Variants in TTLL11 observed in about 807,000 individuals in gnomAD.
TTLL11 encodes tubulin tyrosine ligase like 11.
Under a neutral mutation model 51.7 loss-of-function variants are expected in TTLL11, and 42 were observed. That is an observed-to-expected ratio of 0.81 (90% confidence interval 0.64 to 1.05). The LOEUF (loss-of-function observed/expected upper bound fraction) is 1.05, where lower values mean the gene tolerates loss of function less well. TTLL11 is among the 50% of genes least tolerant of loss of function. The probability of loss-of-function intolerance (pLI) is 0.00; values close to 1 mark genes in which losing one functional copy is unlikely to be tolerated. For missense variants in TTLL11, 799 were observed against 940.4 expected, an observed-to-expected ratio of 0.85 and a Z score of 1.97; for synonymous variants, 381 against 383.5, an observed-to-expected ratio of 0.99 and a Z score of 0.08.
At chr9:122,031,347 C>T (rs769163216) in intron 3 of TTLL11, among the ~76,000 whole-genome samples, 2 of 152,198 alleles carry the variant, frequency 1.3e-5, no homozygotes, top group Non-Finnish European at 2.9e-5. Context: ...TCCCACATCT[C>T]AGGCCACAGG....
intron 6 of TTLL11, among the ~76,000 whole-genome samples, chr9:121,909,852 A>G (rs1315771660): frequency 6.6e-6 from 1 of 152,090 alleles, no homozygotes; most frequent in Non-Finnish European, 1.5e-5. Context: ...GGTAGAGCTG[A>G]GTGGGTGGCA....
intron 1 of TTLL11, among the ~76,000 whole-genome samples, chr9:122,072,460 ATGG>A (rs1201489094): frequency 6.6e-6 from 1 of 152,076 alleles, no homozygotes; most frequent in African/African-American, 2.4e-5. Flanking sequence ...CCTGGTCAAC[ATGG>A]TGAAACCTCG....
intron 6 of TTLL11, among the ~76,000 whole-genome samples, chr9:121,898,141 C>T (rs1034016137): frequency 6.6e-6 from 1 of 152,172 alleles, no homozygotes; most frequent in Admixed American, 6.5e-5. Context: ...TGGTCTTGAG[C>T]TCCTGACCTC....
chr9:121,926,806 TAAAAC>T (rs60730330), intron 6 of TTLL11, among the ~76,000 whole-genome samples: 11,737 of 152,266 alleles, frequency 0.077, 657 homozygotes, highest in African/African-American at 0.16. Flanking sequence ...CTCTGGCTGT[TAAAAC>T]AGAAAATCAT....
intron 6 of TTLL11, among the ~76,000 whole-genome samples, chr9:121,888,557 G>A (rs180849615): frequency 6.8e-4 from 104 of 152,334 alleles, no homozygotes; most frequent in Middle Eastern, 3.4e-3. Context: ...GGCCAGGCCC[G>A]GAGCAGGGAA....
At chr9:121,826,921 G>T (rs991773894) in intron 8 of TTLL11, among the ~76,000 whole-genome samples, 1 of 152,046 alleles carries the variant, frequency 6.6e-6, no homozygotes, top group Admixed American at 6.5e-5. Flanking sequence ...ATGGCCCAGG[G>T]GCCTGCCACA....
chr9:122,007,076 T>C (rs1238224623), intron 3 of TTLL11, among the ~76,000 whole-genome samples: 1 of 151,430 alleles, frequency 6.6e-6, no homozygotes, highest in Non-Finnish European at 1.5e-5. Flanking sequence ...ACTACATGTA[T>C]AGGTTGCTTA....
At position 121,989,593 on chromosome 9, in the gene TTLL11, T is replaced by C. The variant is rs1843046531; in HGVS notation, c.871A>G (p.Ile291Val). The C allele has an allele frequency of 1.4e-5, 23 of 1,614,066 alleles. No individual in the cohort carries two copies. Among genetic ancestry groups the C allele is most frequent in the Non-Finnish European group, 1.9e-5 (23 of 1,180,018 alleles). Residue 291 changes from isoleucine (I) to valine (V), a missense_variant, in exon 4 of 9, where the codon ATC becomes GTC. By Grantham distance (29) the Ile-to-Val change is conservative. Coordinates refer to ENST00000321582, the MANE Select transcript of TTLL11 (RefSeq NM_001139442.2). The surrounding 1 kb of genome is among the most constrained non-coding windows in gnomAD (Gnocchi z 4.2). The part of the protein sequence containing the change: ...VQEYICKPLL[I>V]DKLKFDIRLY... ...CGAATATCAAACTTGAGCTTGTCGA[T>C]AAGGAGAGGTTTGCAGATGTACTCC...
At chr9:121,862,744 G>T (rs4538956) in intron 7 of TTLL11, among the ~76,000 whole-genome samples, 31,538 of 152,256 alleles carry the variant, frequency 0.21, 4,084 homozygotes, top group Non-Finnish European at 0.29. Flanking sequence ...CCAGCTGTCA[G>T]GTTGGCTGAA....
chr9:121,846,632 C>T (rs114556751), intron 8 of TTLL11, among the ~76,000 whole-genome samples: 2,183 of 152,140 alleles, frequency 0.014, 51 homozygotes, highest in African/African-American at 0.05. Flanking sequence ...AACAGAAAGA[C>T]GGTTGAGAAG....
At chr9:121,968,005 A>G (rs1245768735) in intron 6 of TTLL11, among the ~76,000 whole-genome samples, 1 of 152,104 alleles carries the variant, frequency 6.6e-6, no homozygotes, top group Non-Finnish European at 1.5e-5. Flanking sequence ...GGGAATGGAG[A>G]GTGATTGCTT....
At chr9:122,006,862 T>G (rs888439463) in intron 3 of TTLL11, among the ~76,000 whole-genome samples, 1 of 151,598 alleles carries the variant, frequency 6.6e-6, no homozygotes, top group Admixed American at 6.6e-5. Flanking sequence ...GGCACACGCC[T>G]GTAATTCCAG....
intron 6 of TTLL11, among the ~76,000 whole-genome samples, chr9:121,919,847 TAA>T (rs59700871): frequency 1.5e-4 from 9 of 60,828 alleles, no homozygotes; most frequent in East Asian, 5.0e-4. Context: ...CCCTCATCTC[TAA>T]AAAAAAAAAA....
intron 3 of TTLL11, among the ~76,000 whole-genome samples, chr9:122,008,774 G>A (rs1843722558): frequency 6.6e-6 from 1 of 152,260 alleles, no homozygotes; most frequent in Admixed American, 6.5e-5. Flanking sequence ...ATTTGCGATA[G>A]CCAAGATACG....
At chr9:122,006,099 G>A (rs1467383516) in intron 3 of TTLL11, among the ~76,000 whole-genome samples, 3 of 152,220 alleles carry the variant, frequency 2.0e-5, no homozygotes, top group African/African-American at 7.2e-5. Flanking sequence ...CAGCACTTTA[G>A]GAGGCCAAGG....
intron 3 of TTLL11, among the ~76,000 whole-genome samples, chr9:122,029,175 C>T (rs959027777): frequency 2.6e-5 from 4 of 152,098 alleles, no homozygotes; most frequent in East Asian, 3.8e-4. Flanking sequence ...ATGCACTGTA[C>T]AGAATACTTG....
chr9:121,892,320 T>C (rs1839274791), intron 6 of TTLL11, among the ~76,000 whole-genome samples: 1 of 151,970 alleles, frequency 6.6e-6, no homozygotes. Flanking sequence ...GATAAAGGCA[T>C]ACCTAAGACT....
rs543773041 is a variant in TTLL11, at chr9:121,974,053, G to A, written c.1437C>T (p.Asp479=). The part of the protein sequence containing the change: ...DEEVKVAVIR[D]TLRLMDPLKK... Reference sequence around the variant, plus strand: ...TAAGTGGGTCCATGAGGCGCAGAGTGTCTCTGATCACAGCCACTTTCACTT... The same window carrying A: ...TAAGTGGGTCCATGAGGCGCAGAGTATCTCTGATCACAGCCACTTTCACTT... Residue 479 remains aspartate, a synonymous_variant, in exon 6 of 9, where the codon GAC becomes GAT. Coordinates refer to ENST00000321582, the MANE Select transcript of TTLL11 (RefSeq NM_001139442.2). The A allele has an allele frequency of 1.3e-6, 2 of 1,551,706 alleles. No homozygotes were observed. The highest frequency in any genetic ancestry group is 1.4e-5 in the African/African-American group (1 of 73,170).
chr9:122,069,204 C>T (rs528005061), intron 1 of TTLL11, among the ~76,000 whole-genome samples: 1 of 152,278 alleles, frequency 6.6e-6, no homozygotes, highest in African/African-American at 2.4e-5. Context: ...GAGTCAGGCA[C>T]TGTTCTAAGG....
Sources: allele counts gnomAD v4.1 joint callset (sites outside exome capture counted in the v4.1 genomes callset), GRCh38; gene constraint gnomAD v4.1.1; non-coding constraint Gnocchi (gnomAD v3.1); transcripts MANE v1.5; gene names NCBI Gene and HGNC (gene_info 2026-07-23, HGNC 2026-07-21).